Variants in ARHGEF28 observed in about 807,000 individuals in gnomAD.
ARHGEF28 encodes 190 kDa guanine nucleotide exchange factor.
In ARHGEF28, 152 loss-of-function variants were observed where a neutral mutation model predicts 206.6. The ratio of observed to expected loss-of-function variants is 0.74; its 90% confidence interval spans 0.64 to 0.84. ARHGEF28 has a LOEUF of 0.84. ARHGEF28 is among the 40% of genes least tolerant of loss of function. ARHGEF28 has a pLI of 0.00. For missense variants in ARHGEF28, 2,028 were observed against 2,073.2 expected, an observed-to-expected ratio of 0.98 and a Z score of 0.42; for synonymous variants, 763 against 776.4, an observed-to-expected ratio of 0.98 and a Z score of 0.29.
chr5:73,646,600 G>T (rs980939528), intron 1 of ARHGEF28, among the ~76,000 whole-genome samples: 5 of 152,070 alleles, frequency 3.3e-5, no homozygotes, highest in African/African-American at 1.2e-4. Flanking sequence ...TGTCTCCTCT[G>T]CCCCAAACAC....
intron 5 of ARHGEF28, among the ~76,000 whole-genome samples, chr5:73,775,775 A>T (rs959994325): frequency 6.6e-6 from 1 of 152,192 alleles, no homozygotes; most frequent in East Asian, 1.9e-4. Context: ...ACAGGACCTT[A>T]TAAGCCATCC....
rs1214387257 is a variant in ARHGEF28, at chr5:73,876,934, A to C, written c.2814+3688A>C. On this transcript the variant is annotated intron_variant, in intron 22 of 35. Coordinates refer to ENST00000513042, the MANE Select transcript of ARHGEF28 (RefSeq NM_001177693.2). ...TTGGTATCAGGATGATGCTGGCCTC[A>C]TAAAATGAGTTAGGGAGGATTCCCT... Among the ~76,000 whole-genome samples the C allele has an allele frequency of 2.0e-5, 3 of 146,604 alleles. No individual in the cohort carries two copies. The East Asian group carries it at 6.0e-4, about 29-fold the overall frequency.
intron 1 of ARHGEF28, among the ~76,000 whole-genome samples, chr5:73,669,351 AT>A (rs1298381221): frequency 6.6e-6 from 1 of 152,234 alleles, no homozygotes; most frequent in Non-Finnish European, 1.5e-5. Flanking sequence ...TTCTAGCATA[AT>A]TTTTAATTGA....
intron 22 of ARHGEF28, among the ~76,000 whole-genome samples, chr5:73,874,736 A>G (rs1379067757): frequency 1.3e-5 from 2 of 150,896 alleles, no homozygotes. Context: ...TGTCCCTACA[A>G]AGGACATGAA....
At chr5:73,821,562 G>A (rs142703706) in intron 9 of ARHGEF28, among the ~76,000 whole-genome samples, 1 of 152,262 alleles carries the variant, frequency 6.6e-6, no homozygotes, top group East Asian at 1.9e-4. Flanking sequence ...GATGACATAT[G>A]GGGCATCTTC....
chr5:73,628,220 A>T (rs1365136728), intron 1 of ARHGEF28, among the ~76,000 whole-genome samples: 1 of 151,994 alleles, frequency 6.6e-6, no homozygotes, highest in African/African-American at 2.4e-5. Context: ...CTGATACATG[A>T]CCTCCTTTAG....
chr5:73,894,475 C>A lies in ARHGEF28; in HGVS notation c.3741C>A (p.Ser1247Arg), dbSNP rs549304575. ...LHIYAELGEL[S>R]GFEDVHLEPH... ...TCTATGCTGAACTTGGAGAACTGAG[C>A]GGATTTGAGGACGTCCATCTAGAGC... Residue 1247 changes from serine (S) to arginine (R), a missense_variant, in exon 29 of 36, where the codon AGC becomes AGA. Ser to Arg is a moderately radical substitution (Grantham distance 110). Transcript: ENST00000513042. 6.2e-7 allele frequency: 1 copy of A among 1,613,810 alleles called. No individual in the cohort carries two copies. The highest frequency in any genetic ancestry group is 1.1e-5 in the South Asian group (1 of 91,030).
intron 1 of ARHGEF28, among the ~76,000 whole-genome samples, chr5:73,646,993 G>C (rs1744473263): frequency 6.6e-6 from 1 of 152,164 alleles, no homozygotes; most frequent in Admixed American, 6.5e-5. Context: ...GAACAGAGAA[G>C]GACATTGTGG....
chr5:73,798,863 G>A (rs1158787585), intron 9 of ARHGEF28, among the ~76,000 whole-genome samples: 6 of 151,886 alleles, frequency 4.0e-5, no homozygotes, highest in Admixed American at 3.9e-4. Flanking sequence ...CAAGGTGGGT[G>A]GAACACTTGA....
At chr5:73,723,222 C>T (rs1485989023) in intron 2 of ARHGEF28, among the ~76,000 whole-genome samples, 1 of 152,044 alleles carries the variant, frequency 6.6e-6, no homozygotes, top group East Asian at 1.9e-4. Context: ...TGGAGTCTTG[C>T]TCTGTCGCCA....
chr5:73,818,392 T>G (rs1580661219), intron 9 of ARHGEF28, among the ~76,000 whole-genome samples: 1 of 152,148 alleles, frequency 6.6e-6, no homozygotes, highest in South Asian at 2.1e-4. Flanking sequence ...TCTTTTTTTC[T>G]TTCCCTTCCT....
chr5:73,859,508 C>T (rs974556115), intron 16 of ARHGEF28, among the ~76,000 whole-genome samples: 2 of 152,216 alleles, frequency 1.3e-5, no homozygotes, highest in Non-Finnish European at 2.9e-5. Flanking sequence ...TATGACATTA[C>T]AGGCAGATTG....
chr5:73,850,303 G>A (rs1184605685), intron 13 of ARHGEF28, among the ~76,000 whole-genome samples: 1 of 152,026 alleles, frequency 6.6e-6, no homozygotes, highest in African/African-American at 2.4e-5. Context: ...GAGCAAGACT[G>A]ATAATACATG....
At chr5:73,682,234 T>C (rs1394925353) in intron 1 of ARHGEF28, among the ~76,000 whole-genome samples, 1 of 152,152 alleles carries the variant, frequency 6.6e-6, no homozygotes, top group African/African-American at 2.4e-5. Flanking sequence ...CCCTCACTCA[T>C]CTCTCAAGAT....
chr5:73,895,836 C>T (rs1030823205), intron 29 of ARHGEF28, among the ~76,000 whole-genome samples: 2 of 152,154 alleles, frequency 1.3e-5, no homozygotes, highest in African/African-American at 4.8e-5. Flanking sequence ...TGTTTGCCAG[C>T]CTCTGGTTTA....
At chr5:73,894,353 A>C in intron 28 of ARHGEF28, 40 bp from the exon 29 acceptor site, 1 of 1,530,674 alleles carries the variant, frequency 6.5e-7, no homozygotes, top group Non-Finnish European at 8.9e-7. Flanking sequence ...GGTTGTATTC[A>C]TGTTAGTGAT....
chr5:73,641,325 A>G (rs1744079606), intron 1 of ARHGEF28, among the ~76,000 whole-genome samples: 2 of 152,128 alleles, frequency 1.3e-5, no homozygotes, highest in South Asian at 4.2e-4. Context: ...GTCTCTTCTA[A>G]TCCTTCAAAC....
At chr5:73,821,444 G>A (rs1049326847) in intron 9 of ARHGEF28, among the ~76,000 whole-genome samples, 1 of 152,198 alleles carries the variant, frequency 6.6e-6, no homozygotes. Context: ...ATAGGCACTG[G>A]AGAATAGAGC....
intron 13 of ARHGEF28, among the ~76,000 whole-genome samples, chr5:73,851,763 A>G (rs1015094245): frequency 1.3e-5 from 2 of 152,218 alleles, no homozygotes; most frequent in African/African-American, 2.4e-5. Context: ...GATAATGGCT[A>G]TAAAATAAAG....
Sources: allele counts gnomAD v4.1 joint callset (sites outside exome capture counted in the v4.1 genomes callset), GRCh38; gene constraint gnomAD v4.1.1; transcripts MANE v1.5; gene names NCBI Gene and HGNC (gene_info 2026-07-23, HGNC 2026-07-21).